The following CENPI variants were observed in gnomAD, a reference collection of about 807,000 sequenced individuals.
CENPI encodes the protein centromere protein I.
Under a neutral mutation model 60.4 loss-of-function variants are expected in CENPI, and 4 were observed. The observed-to-expected ratio is 0.07, with a 90% confidence interval of 0.03 to 0.15. The LOEUF (loss-of-function observed/expected upper bound fraction) is 0.15, where lower values mean the gene tolerates loss of function less well. CENPI is among the 10% of genes least tolerant of loss of function. CENPI has a pLI of 1.00. For synonymous variants in CENPI, 157 were observed against 189.4 expected (o/e 0.83, Z 1.40); for missense variants, 444 against 534.5 (o/e 0.83, Z 1.67).
chrX:101,126,811 GGA>G lies in CENPI; in HGVS notation c.777+20_777+21del. ...TGTAAGGAAGAAGGTAAGGGATTAA[GGA>G]GAGAGAAATCATATTAAGATTGAAA... On this transcript the variant is annotated intron_variant, in intron 9 of 21. Coordinates refer to ENST00000682095, the MANE Select transcript of CENPI (RefSeq NM_001386188.2). 1 of 1,118,746 alleles carries G rather than the reference GGA, an allele frequency of 8.9e-7. No individual in the cohort carries two copies. The highest frequency in any genetic ancestry group is 1.2e-6 in the Non-Finnish European group (1 of 816,783). 92.2% of individuals were successfully genotyped at this position (1,118,746 alleles called of 1,213,427 possible).
At chrX:101,139,088 C>CTTTTT (rs1281553958) in intron 15 of CENPI, among the ~76,000 whole-genome samples, 10 of 66,937 alleles carry the variant, frequency 1.5e-4, no homozygotes, top group Non-Finnish European at 1.9e-4. Context: ...CGCGCCCGAC[C>CTTTTT]TTTTTTTTTT....
the CENPI span, among the ~76,000 whole-genome samples, chrX:101,171,707 G>T: frequency 8.9e-6 from 1 of 112,132 alleles, no homozygotes; most frequent in Non-Finnish European, 1.9e-5. Context: ...CATTACAGGC[G>T]TGTGCCACTA....
intron 15 of CENPI, 135 bp downstream of exon 15, chrX:101,132,591 C>A: frequency 2.0e-6 from 1 of 496,019 alleles, no homozygotes; most frequent in Non-Finnish European, 3.3e-6. Flanking sequence ...GGTACTGCAT[C>A]ACTCAACTCA....
chrX:101,105,384 C>T (rs1282800614), intron 4 of CENPI, among the ~76,000 whole-genome samples: 1 of 110,606 alleles, frequency 9.0e-6, no homozygotes, highest in Non-Finnish European at 1.9e-5. Flanking sequence ...ATTAGCCGGG[C>T]GTGGTGTCGG....
At chrX:101,107,859 C>T (rs1215294364) in intron 4 of CENPI, among the ~76,000 whole-genome samples, 1 of 81,721 alleles carries the variant, frequency 1.2e-5, no homozygotes, top group Non-Finnish European at 2.3e-5. Context: ...TTTTTTGAGA[C>T]GGAGTTTTGC....
chrX:101,154,061 G>C (rs182706446), intron 20 of CENPI, among the ~76,000 whole-genome samples: 1 of 111,601 alleles, frequency 9.0e-6, no homozygotes, highest in Non-Finnish European at 1.9e-5. Flanking sequence ...AAAATCAATG[G>C]ACCATAGATG....
chrX:101,109,783 T>C, intron 5 of CENPI, 108 bp from the exon 6 acceptor site: 1 of 593,119 alleles, frequency 1.7e-6, no homozygotes, highest in Admixed American at 3.2e-5. Context: ...TTCTACTTTG[T>C]GCCTGAAGCT....
chrX:101,121,789 T>C (rs2089681018), intron 8 of CENPI, among the ~76,000 whole-genome samples: 1 of 104,035 alleles, frequency 9.6e-6, no homozygotes, highest in Admixed American at 1.1e-4. Flanking sequence ...TGTACGGATG[T>C]GATCTAGGAA....
At chrX:101,113,356 T>G (rs1402582765) in intron 6 of CENPI, among the ~76,000 whole-genome samples, 1 of 106,604 alleles carries the variant, frequency 9.4e-6, no homozygotes, top group African/African-American at 3.4e-5. Flanking sequence ...AGATGGAGTT[T>G]CACTCTTGTT....
chrX:101,174,824 T>C, the CENPI span, among the ~76,000 whole-genome samples: 2 of 111,486 alleles, frequency 1.8e-5, no homozygotes, highest in Non-Finnish European at 1.9e-5. Flanking sequence ...GTTGAAATTT[T>C]AGGCCAGGCC....
chrX:101,127,704 T>C, intron 11 of CENPI, 39 bp downstream of exon 11: 1 of 1,008,744 alleles, frequency 9.9e-7, no homozygotes, highest in East Asian at 3.2e-5. Flanking sequence ...CATTTTCTAT[T>C]TGAATTTCAT....
At chrX:101,178,398 C>CTTTTTTTTTTTTTTTTTTTTTTTTTTT in the CENPI span, among the ~76,000 whole-genome samples, 15 of 39,983 alleles carry the variant, frequency 3.8e-4, 2 homozygotes, top group African/African-American at 8.7e-4. Context: ...TTTTCTTCTT[C>CTTTTTTTTTTTTTTTTTTTTTTTTTTT]TTTTTTTTTT....
downstream of CENPI, among the ~76,000 whole-genome samples, chrX:101,170,938 C>T (rs768108662): frequency 8.9e-6 from 1 of 111,974 alleles, no homozygotes; most frequent in Non-Finnish European, 1.9e-5. Context: ...GCCTCCAATG[C>T]AGTCTCTATT....
intron 8 of CENPI, 104 bp from the exon 9 acceptor site, chrX:101,126,605 G>C: frequency 1.6e-6 from 1 of 608,697 alleles, no homozygotes; most frequent in South Asian, 2.8e-5. Context: ...CTATATCTCA[G>C]CGAAATTATG....
At chrX:101,113,562 G>A (rs193075957) in intron 6 of CENPI, among the ~76,000 whole-genome samples, 6 of 103,347 alleles carry the variant, frequency 5.8e-5, no homozygotes, top group African/African-American at 2.0e-4. Context: ...CGCCTGCCTC[G>A]GCCTCCCAAA....
chrX:101,120,876 C>CTTTT, intron 8 of CENPI, 92 bp downstream of exon 8: 2 of 497,923 alleles, frequency 4.0e-6, no homozygotes, highest in Admixed American at 6.6e-5. Flanking sequence ...AACTCTTGAT[C>CTTTT]TTTTTTTTTT....
intron 7 of CENPI, 25 bp downstream of exon 7, chrX:101,120,475 T>C: frequency 2.5e-6 from 2 of 798,858 alleles, no homozygotes; most frequent in Non-Finnish European, 3.8e-6. Context: ...TACAGTTGTA[T>C]TATACTTTGT....
intron 20 of CENPI, among the ~76,000 whole-genome samples, chrX:101,148,561 G>T (rs1465979278): frequency 8.9e-6 from 1 of 112,226 alleles, no homozygotes; most frequent in Non-Finnish European, 1.9e-5. Context: ...ATGTAGGTTA[G>T]TTAATAGTAC....
rs866026689 is a variant in CENPI at position 101,162,467 on chromosome X, A to T, written c.2137-366A>T. ...CAAAACCGTATCTCAAAAAAAAAAA[A>T]AAAAAAATATATATATATATATATA... On this transcript the variant is annotated intron_variant, in intron 21 of 21. Transcript: ENST00000682095. Among the ~76,000 whole-genome samples the T allele has an allele frequency of 2.8e-3, 253 of 89,380 alleles. 1 individual carries two copies. Among genetic ancestry groups the T allele is most frequent in the South Asian group, 8.5e-3 (18 of 2,118 alleles). 77.6% of individuals were successfully genotyped at this position (89,380 alleles called of 115,157 possible). A position where few individuals can be genotyped will look rare whatever the true frequency, so the allele number is the denominator to read the frequency against.
Sources: allele counts gnomAD v4.1 joint callset (sites outside exome capture counted in the v4.1 genomes callset), GRCh38; gene constraint gnomAD v4.1.1; transcripts MANE v1.5; gene names NCBI Gene and HGNC (gene_info 2026-07-23, HGNC 2026-07-21).